The following PABIR3 variants were observed in gnomAD, a reference collection of about 807,000 sequenced individuals.
PABIR3 encodes the protein PABIR family member 1.
A neutral mutation model predicts 23.1 loss-of-function variants in PABIR3; 20 were observed. That is an observed-to-expected ratio of 0.86 (90% CI 0.61 to 1.26). The LOEUF is 1.26. Ranked by LOEUF, PABIR3 falls within the 50% of genes most tolerant of loss-of-function variation. The probability of loss-of-function intolerance (pLI) is 0.00; values close to 1 mark genes in which losing one functional copy is unlikely to be tolerated. For missense variants in PABIR3, 189 were observed against 195.4 expected, an observed-to-expected ratio of 0.97 and a Z score of 0.20; for synonymous variants, 69 against 68.5, an observed-to-expected ratio of 1.01 and a Z score of -0.04.
downstream of PABIR3, among the ~76,000 whole-genome samples, chrX:134,857,057 C>T (rs1381531916): frequency 8.9e-6 from 1 of 112,185 alleles, no homozygotes; most frequent in African/African-American, 3.2e-5. Flanking sequence ...TCTTCCTAAA[C>T]ATGCTGAAGA....
At chrX:134,814,577 A>G (rs2080863018) in intron 2 of PABIR3, among the ~76,000 whole-genome samples, 194 bp from the exon 3 acceptor site, 1 of 110,417 alleles carries the variant, frequency 9.1e-6, no homozygotes, top group South Asian at 3.8e-4. Flanking sequence ...GCGTGCCTGT[A>G]ATCCCAGCTA....
At chrX:134,848,031 A>G in intron 8 of PABIR3, 60 bp downstream of exon 8, 8 of 940,873 alleles carry the variant, frequency 8.5e-6, no homozygotes, top group Non-Finnish European at 1.0e-5. Context: ...ATAGAAACCT[A>G]AAAGAAATTA....
upstream of PABIR3, among the ~76,000 whole-genome samples, chrX:134,803,096 A>G (rs1278310350): frequency 8.9e-6 from 1 of 112,437 alleles, no homozygotes; most frequent in Non-Finnish European, 1.9e-5. Flanking sequence ...GGAATTGACC[A>G]AGACAGTTGT....
upstream of PABIR3, among the ~76,000 whole-genome samples, chrX:134,806,943 C>G (rs1603129540): frequency 9.0e-6 from 1 of 111,064 alleles, no homozygotes; most frequent in East Asian, 2.8e-4. Context: ...CAGGAAGGAC[C>G]TCACTCCTCC....
intron 2 of PABIR3, chrX:134,809,674 G>C (rs1410966574): frequency 2.8e-6 from 2 of 710,950 alleles, no homozygotes; most frequent in African/African-American, 4.7e-5. Context: ...TCAGAGACCA[G>C]CTTTACCCTC....
At chrX:134,800,446 C>A (rs1383559444) in intron 1 of PABIR3, among the ~76,000 whole-genome samples, 2 of 110,476 alleles carry the variant, frequency 1.8e-5, no homozygotes, top group Non-Finnish European at 3.8e-5. Context: ...GGCAACAGAA[C>A]CAATATTTCT....
In PABIR3 at chrX:134,852,790, A is replaced by C. The variant is rs1215718850; in HGVS notation, c.590-10A>C. The C allele has an allele frequency of 9.2e-7, 1 of 1,083,153 alleles. No homozygotes were observed. Among genetic ancestry groups the C allele is most frequent in the African/African-American group, 1.8e-5 (1 of 54,126 alleles). 89.3% of individuals were successfully genotyped at this position (1,083,153 alleles called of 1,213,427 possible). On this transcript the variant is annotated splice_polypyrimidine_tract_variant and intron_variant, in intron 9 of 10. Transcript: ENST00000645433. The stretch of plus-strand genomic sequence containing the variant: ...TAAAACATCTACCTTGATCTGCTGT[A>C]TTGTCATAGGTGAAATGGCATTTCA...
chrX:134,813,500 G>A (rs2080792278), intron 2 of PABIR3, among the ~76,000 whole-genome samples: 1 of 112,328 alleles, frequency 8.9e-6, no homozygotes, highest in Non-Finnish European at 1.9e-5. Context: ...TTGGATATAG[G>A]CAGCTAAAAC....
intron 3 of PABIR3, among the ~76,000 whole-genome samples, chrX:134,823,543 T>C (rs1569452781): frequency 8.9e-6 from 1 of 112,144 alleles, no homozygotes; most frequent in East Asian, 2.8e-4. Context: ...TGTATATTTG[T>C]ATACGTGTAT....
intron 3 of PABIR3, chrX:134,822,430 T>TA: frequency 1.3e-6 from 1 of 751,404 alleles, no homozygotes; most frequent in African/African-American, 2.3e-5. Context: ...TTTGTCCAAT[T>TA]AAAAAATTCT....
At chrX:134,804,894 T>C (rs1482093990), upstream of PABIR3, among the ~76,000 whole-genome samples, 1 of 112,660 alleles carries the variant, frequency 8.9e-6, no homozygotes, top group Non-Finnish European at 1.9e-5. Flanking sequence ...CCTGGGAATT[T>C]TAACAGTGGC....
intron 3 of PABIR3, among the ~76,000 whole-genome samples, chrX:134,823,939 T>C (rs1603209712): frequency 9.0e-6 from 1 of 111,538 alleles, no homozygotes; most frequent in Admixed American, 9.7e-5. Flanking sequence ...AATACACTAC[T>C]GGGAAGTAAA....
At chrX:134,853,643 G>A (rs1341464630) in intron 10 of PABIR3, among the ~76,000 whole-genome samples, 3 of 106,114 alleles carry the variant, frequency 2.8e-5, no homozygotes, top group South Asian at 8.5e-4. Context: ...TGTTTTAGAC[G>A]GAGTCTCGCT....
At chrX:134,858,441 C>T (rs1022876189), downstream of PABIR3, among the ~76,000 whole-genome samples, 3 of 111,628 alleles carry the variant, frequency 2.7e-5, no homozygotes, top group Non-Finnish European at 5.6e-5. Flanking sequence ...AGTACTCCCA[C>T]TACAGGATAT....
At chrX:134,840,412 C>G (rs1415792270) in intron 4 of PABIR3, among the ~76,000 whole-genome samples, 3 of 111,001 alleles carry the variant, frequency 2.7e-5, no homozygotes, top group Non-Finnish European at 5.7e-5. Context: ...TCACTTTCTT[C>G]CCCCCATACA....
downstream of PABIR3, among the ~76,000 whole-genome samples, chrX:134,857,412 C>G (rs2082755730): frequency 9.0e-6 from 1 of 111,251 alleles, no homozygotes; most frequent in Non-Finnish European, 1.9e-5. Flanking sequence ...TTAAGGCCCA[C>G]CCTAATCCAA....
the PABIR3 span, among the ~76,000 whole-genome samples, chrX:134,863,459 G>A: frequency 3.6e-5 from 4 of 110,956 alleles, no homozygotes; most frequent in African/African-American, 1.3e-4. Context: ...CTCTACTGAT[G>A]GGGAAGGCAA....
intron 4 of PABIR3, among the ~76,000 whole-genome samples, chrX:134,830,178 C>G (rs1288657683): frequency 9.9e-5 from 11 of 110,679 alleles, no homozygotes; most frequent in Non-Finnish European, 1.7e-4. Context: ...TTTCAGTGCA[C>G]AAAGCCCATA....
chrX:134,833,870 G>A (rs2081891199), intron 4 of PABIR3, among the ~76,000 whole-genome samples: 1 of 111,988 alleles, frequency 8.9e-6, no homozygotes, highest in African/African-American at 3.2e-5. Flanking sequence ...TGACTGCATA[G>A]TATTCCATGG....
Sources: gnomAD v4.1 joint callset for allele counts (sites outside exome capture counted in the v4.1 genomes callset) on GRCh38, gnomAD v4.1.1 for gene constraint, MANE v1.5 for transcripts, NCBI Gene and HGNC (gene_info 2026-07-23, HGNC 2026-07-21) for gene names.